The following SLC26A8 variants were observed in gnomAD, a reference collection of about 807,000 sequenced individuals.
The protein encoded by SLC26A8 is solute carrier family 26 member 8.
SLC26A8 carries 70 observed loss-of-function variants against 105.0 expected under a neutral mutation model. The ratio of observed to expected loss-of-function variants is 0.67; its 90% CI spans 0.55 to 0.81. The LOEUF (loss-of-function observed/expected upper bound fraction) is 0.81, where lower values mean the gene tolerates loss of function less well. SLC26A8 is among the 40% of genes least tolerant of loss of function. The pLI, the probability that SLC26A8 is intolerant of heterozygous loss-of-function variation, is 0.00. For missense variants in SLC26A8, 998 were observed against 1,181.8 expected (o/e 0.84, Z 2.28); for synonymous variants, 415 against 438.3 (o/e 0.95, Z 0.66).
chr6:35,983,707 A>C (rs988942488), intron 7 of SLC26A8, among the ~76,000 whole-genome samples: 3 of 151,930 alleles, frequency 2.0e-5, no homozygotes, highest in African/African-American at 7.3e-5. Context: ...GTGTGCCACC[A>C]CATCTGGCTA....
At chr6:35,988,243 G>A (rs1431740606) in intron 7 of SLC26A8, among the ~76,000 whole-genome samples, 1 of 152,142 alleles carries the variant, frequency 6.6e-6, no homozygotes, top group African/African-American at 2.4e-5. Context: ...GAAAAATGCT[G>A]ACTTAGAAAA....
intron 7 of SLC26A8, among the ~76,000 whole-genome samples, chr6:35,982,973 CT>C (rs1249041813): frequency 9.9e-5 from 15 of 152,182 alleles, no homozygotes; most frequent in African/African-American, 3.1e-4. Flanking sequence ...GCTGTTATAG[CT>C]TATAAAGACT....
chr6:36,024,523 G>A lies in SLC26A8; in HGVS notation c.-22C>T, dbSNP rs1325710975. 2.3e-6 allele frequency: 1 copy of A among 432,434 alleles called. No homozygotes were observed. The highest frequency in any genetic ancestry group is 2.6e-5 in the Admixed American group (1 of 39,092). The allele number at this position is 432,434 out of a possible 1,614,324, so 26.8% of individuals were successfully genotyped here. On this transcript the variant is annotated 5_prime_UTR_variant, in exon 1 of 20. Transcript: ENST00000490799. ...GCTCACCTGGCTCCTTGGCGGGGGC[G>A]GGAGTGCGGGCGCTGGGATCCCACA... is the stretch of plus-strand genomic sequence containing the variant.
chr6:35,967,791 A>T (rs138077345), intron 11 of SLC26A8, among the ~76,000 whole-genome samples: 4 of 152,300 alleles, frequency 2.6e-5, no homozygotes, highest in Non-Finnish European at 5.9e-5. Context: ...ATCCTTACTT[A>T]CGAAGCTTGC....
chr6:35,992,822 CA>C, intron 5 of SLC26A8, 148 bp from the exon 6 acceptor site: 5 of 775,600 alleles, frequency 6.4e-6, no homozygotes, highest in Non-Finnish European at 2.0e-6. Flanking sequence ...CCCTAATGAA[CA>C]GAAGTTGATA....
intron 5 of SLC26A8, among the ~76,000 whole-genome samples, chr6:35,996,723 T>C (rs1313507097): frequency 6.6e-6 from 1 of 152,050 alleles, no homozygotes; most frequent in East Asian, 1.9e-4. Context: ...AATGAGTCCA[T>C]TCTTGTTGAT....
intron 16 of SLC26A8, among the ~76,000 whole-genome samples, chr6:35,958,126 C>T (rs1034687504): frequency 6.6e-5 from 10 of 152,214 alleles, no homozygotes; most frequent in African/African-American, 2.4e-4. Context: ...CATAAATTTC[C>T]CAGCACAGGC....
chr6:35,947,343 A>T (rs1329722486), intron 19 of SLC26A8, among the ~76,000 whole-genome samples: 2 of 152,122 alleles, frequency 1.3e-5, no homozygotes, highest in Non-Finnish European at 2.9e-5. Flanking sequence ...CACTAGTCTT[A>T]ATAGAGACAC....
At chr6:35,969,002 T>A in intron 10 of SLC26A8, 48 bp from the exon 11 acceptor site, 1 of 1,552,860 alleles carries the variant, frequency 6.4e-7, no homozygotes. Flanking sequence ...AACGTATTGG[T>A]CCCTGTCTGC....
intron 8 of SLC26A8, 37 bp from the exon 9 acceptor site, chr6:35,977,388 G>A (rs1773080390): frequency 6.3e-7 from 1 of 1,593,196 alleles, no homozygotes; most frequent in Non-Finnish European, 8.5e-7. Context: ...TGGATAGCAG[G>A]AATCCTTTCT....
At position 35,986,285 on chromosome 6, in the gene SLC26A8, C is replaced by T. The variant is rs139413699; in HGVS notation, c.943-4082G>A. ...CTGACCTCAGGTGATCCACGCGCCT[C>T]GGCCTCCCAAAGTGCTGAAATTACA... On this transcript the variant is annotated intron_variant, in intron 7 of 19. Transcript: ENST00000490799. Among the ~76,000 whole-genome samples the T allele has an allele frequency of 5.1e-3, 769 of 152,166 alleles. 6 individuals are homozygous for T. The highest frequency in any genetic ancestry group is 0.017 in the African/African-American group (695 of 41,514).
chr6:35,997,884 C>T lies in SLC26A8; in HGVS notation c.481G>A (p.Val161Ile), dbSNP rs199595123. 12 of 1,614,020 alleles carry T rather than the reference C, an allele frequency of 7.4e-6. No homozygotes were observed. The highest frequency in any genetic ancestry group is 2.2e-5 in the East Asian group (1 of 44,872). Residue 161 changes from valine to isoleucine, a missense_variant, in exon 5 of 20, where the codon GTT (valine) becomes ATT (isoleucine). Coordinates refer to ENST00000490799, the MANE Select transcript of SLC26A8 (RefSeq NM_052961.4). ...FFLVSALLIN[V>I]LKVSPFNNGQ... ...TTGTTGAATGGGCTCACTTTCAGAA[C>T]GTTGATCAGCAGAGCACTCACCAGG...
At chr6:35,958,526 C>T (rs75625603) in intron 16 of SLC26A8, among the ~76,000 whole-genome samples, 1 of 152,200 alleles carries the variant, frequency 6.6e-6, no homozygotes, top group East Asian at 1.9e-4. Context: ...ATGGTGCTCA[C>T]CCCTGTAATC....
intron 1 of SLC26A8, among the ~76,000 whole-genome samples, chr6:36,022,955 T>G (rs1762162071): frequency 6.7e-6 from 1 of 149,730 alleles, no homozygotes; most frequent in African/African-American, 2.4e-5. Flanking sequence ...TCCAGACTGC[T>G]GGGCCCCCAG....
At chr6:35,993,912 A>T (rs7753932) in intron 5 of SLC26A8, among the ~76,000 whole-genome samples, 18,232 of 152,052 alleles carry the variant, frequency 0.12, 1,107 homozygotes, top group Middle Eastern at 0.15. Flanking sequence ...AAACTGGCAC[A>T]GCCCAATGAA....
intron 2 of SLC26A8, 70 bp from the exon 3 acceptor site, chr6:36,012,442 A>C: frequency 6.6e-7 from 1 of 1,508,352 alleles, no homozygotes; most frequent in Non-Finnish European, 8.8e-7. Context: ...AAGAAAAGGC[A>C]TTTGGCCCAC....
intron 19 of SLC26A8, among the ~76,000 whole-genome samples, chr6:35,944,866 T>C (rs1048455185): frequency 2.6e-5 from 4 of 152,210 alleles, no homozygotes; most frequent in African/African-American, 9.7e-5. Context: ...ATTATTAATT[T>C]TGACACAGAG....
chr6:36,017,627 C>T (rs565247801), intron 2 of SLC26A8, among the ~76,000 whole-genome samples: 3 of 115,354 alleles, frequency 2.6e-5, no homozygotes, highest in Admixed American at 8.9e-5. Context: ...AGTGAAATTC[C>T]GTCTCAACAA....
chr6:35,944,501 A>G (rs1185514975), intron 19 of SLC26A8, among the ~76,000 whole-genome samples, 161 bp from the exon 20 acceptor site: 1 of 144,804 alleles, frequency 6.9e-6, no homozygotes, highest in Non-Finnish European at 1.5e-5. Flanking sequence ...TAAAACTTCT[A>G]TCTTAACAAA....
Sources: gnomAD v4.1 joint callset for allele counts (sites outside exome capture counted in the v4.1 genomes callset) on GRCh38, gnomAD v4.1.1 for gene constraint, MANE v1.5 for transcripts, NCBI Gene and HGNC (gene_info 2026-07-23, HGNC 2026-07-21) for gene names.